The following RPL9 variants were observed in gnomAD, a reference collection of about 807,000 sequenced individuals.
RPL9 encodes large ribosomal subunit protein uL6.
For synonymous variants in RPL9, 82 were observed against 77.1 expected (o/e 1.06, Z -0.33); for missense variants, 149 against 236.7 (o/e 0.63, Z 2.43).
At chr4:39,458,832 T>A in intron 1 of RPL9, 59 bp downstream of exon 1, 1 of 691,502 alleles carries the variant, frequency 1.4e-6, no homozygotes, top group Non-Finnish European at 2.6e-6. Flanking sequence ...GCCGCAGCCT[T>A]TCCCAGAGCA....
intron 7 of RPL9, 136 bp downstream of exon 7, chr4:39,454,395 TTC>T (rs1036153256): frequency 1.5e-6 from 1 of 664,986 alleles, no homozygotes; most frequent in Non-Finnish European, 2.5e-6. Context: ...CCATCTTTTA[TTC>T]TGTCAAATTT....
rs374856895 is a variant in RPL9 at position 39,454,820 on chromosome 4, G to C, written c.472+44C>G. On this transcript the variant is annotated intron_variant, in intron 6 of 7. Coordinates refer to ENST00000295955, the MANE Select transcript of RPL9 (RefSeq NM_000661.5). ...AATACTGTATTTTAAACAAGATTTA[G>C]ACAAAATCTTGTAGGCATAGTTAGA... The C allele has an allele frequency of 2.5e-6, 4 of 1,586,320 alleles. No individual in the cohort carries two copies. In the African/African-American group the frequency reaches 5.4e-5, roughly 21 times the overall value.
chr4:39,458,885 C>A lies in RPL9; in HGVS notation c.-2+6G>T, dbSNP rs144566412. 5.0e-5 allele frequency: 35 copies of A among 702,004 alleles called. No homozygotes were observed. Among genetic ancestry groups the A allele is most frequent in the African/African-American group, 4.7e-4 (27 of 57,378 alleles). The allele number at this position is 702,004 out of a possible 1,614,324, so 43.5% of individuals were successfully genotyped here. A position where few individuals can be genotyped will look rare whatever the true frequency, so the allele number is the denominator to read the frequency against. On this transcript the variant is annotated splice_donor_region_variant and intron_variant, in intron 1 of 7. Coordinates refer to ENST00000295955, the MANE Select transcript of RPL9 (RefSeq NM_000661.5). ...AGTACCCCCACGAGCACAGAAACAT[C>A]CTTACCTCGCAGTAGACGCAGCAAA... is the stretch of plus-strand genomic sequence containing the variant.
At chr4:39,454,392 T>G (rs1235304650) in intron 7 of RPL9, 141 bp downstream of exon 7, 3 of 661,162 alleles carry the variant, frequency 4.5e-6, no homozygotes, top group Admixed American at 3.2e-5. Flanking sequence ...ATTCCATCTT[T>G]TATTCTGTCA....
chr4:39,455,055 C>CT, intron 5 of RPL9, 111 bp from the exon 6 acceptor site: 3 of 1,156,302 alleles, frequency 2.6e-6, no homozygotes, highest in Non-Finnish European at 3.7e-6. Context: ...AGAACCTTTT[C>CT]TTAAGATTTT....
chr4:39,454,521 G>A lies in RPL9; in HGVS notation c.*10+12C>T, dbSNP rs767107544. On this transcript the variant is annotated intron_variant, in intron 7 of 7. Transcript: ENST00000295955. Reference sequence around the variant, plus strand: ...GAGCAGTAATAAAACTTAAGACACTGTAAGAACTTACCTCTTAGATCTTAT... The same window carrying A: ...GAGCAGTAATAAAACTTAAGACACTATAAGAACTTACCTCTTAGATCTTAT... 6.3e-7 allele frequency: 1 copy of A among 1,582,568 alleles called. No individual in the cohort carries two copies. Among genetic ancestry groups the A allele is most frequent in the Non-Finnish European group, 8.6e-7 (1 of 1,157,546 alleles).
Position 39,458,440 on chromosome 4 carries a change from TCTGAAACACAAACA to T in RPL9, c.-1-14_-1-1del. ...TCTGATTGCTGAGAATAGTCTTCAT[TCTGAAACACAAACA>T]CTGGGGGTGAGGCCGACGCAAGGCC... On this transcript the variant is annotated splice_acceptor_variant and splice_polypyrimidine_tract_variant and intron_variant, in intron 1 of 7. Transcript: ENST00000295955. LOFTEE classifies it low-confidence loss of function (5UTR_SPLICE). 1 of 1,614,198 alleles carries T rather than the reference TCTGAAACACAAACA, an allele frequency of 6.2e-7. No homozygotes were observed. The highest frequency in any genetic ancestry group is 1.1e-5 in the South Asian group (1 of 91,086).
chr4:39,458,795 G>C (rs532250115), intron 1 of RPL9, 96 bp downstream of exon 1: 1 of 685,168 alleles, frequency 1.5e-6, no homozygotes, highest in African/African-American at 1.8e-5. Flanking sequence ...GGGACAAACA[G>C]GACAAGGTTC....
At position 39,458,775 on chromosome 4, in the gene RPL9, G is replaced by A; in HGVS notation, c.-2+116C>T. 5.9e-6 allele frequency: 4 copies of A among 679,854 alleles called. No homozygotes were observed. In the Admixed American group the frequency reaches 6.1e-5, roughly 10 times the overall value. The allele number at this position is 679,854 out of a possible 1,614,324, so 42.1% of individuals were successfully genotyped here. ...GCGCCGCCAGGCTCATATGGCGCTT[G>A]CCGAGCTGGGGGACAAACAGGACAA... On this transcript the variant is annotated intron_variant, in intron 1 of 7. Coordinates refer to ENST00000295955, the MANE Select transcript of RPL9 (RefSeq NM_000661.5).
At position 39,458,395 on chromosome 4, in the gene RPL9, A is replaced by G. The variant is rs747296835; in HGVS notation, c.45T>C (p.Asn15=). 5.0e-6 allele frequency: 8 copies of G among 1,614,050 alleles called. No individual in the cohort carries two copies. Among genetic ancestry groups the G allele is most frequent in the Non-Finnish European group, 6.8e-6 (8 of 1,180,030 alleles). The part of the protein sequence containing the change: ...LSNQTVDIPE[N]VDITLKGRTV... ...AGTAAAAGACATCAAGTCTCATACC[A>G]TTTTCTGGAATGTCGACAGTCTGAT... Residue 15 remains asparagine, a splice_region_variant and synonymous_variant, in exon 2 of 8, where the codon AAT becomes AAC. Coordinates refer to ENST00000295955, the MANE Select transcript of RPL9 (RefSeq NM_000661.5).
chr4:39,454,478 A>T, intron 7 of RPL9, 55 bp downstream of exon 7: 1 of 1,296,000 alleles, frequency 7.7e-7, no homozygotes, highest in Non-Finnish European at 1.1e-6. Flanking sequence ...TTAGTAAATT[A>T]AGAGCTTCAT....
intron 3 of RPL9, 170 bp from the exon 4 acceptor site, chr4:39,457,851 G>T: frequency 1.5e-6 from 1 of 652,214 alleles, no homozygotes; most frequent in Non-Finnish European, 2.7e-6. Context: ...AAGCTTTGTA[G>T]AAGTTGCAAC....
At position 39,458,586 on chromosome 4, in the gene RPL9, A is replaced by C. The variant is rs964528839; in HGVS notation, c.-1-146T>G. 8 of 722,188 alleles carry C rather than the reference A, an allele frequency of 1.1e-5. No homozygotes were observed. In the Admixed American group the frequency reaches 2.0e-4, roughly 18 times the overall value. 44.7% of individuals were successfully genotyped at this position (722,188 alleles called of 1,614,324 possible). ...GGACGGGAGACCGACAGCGGGCCCC[A>C]GTGTGTCCCAGCCTGGAAGGAGCAG... On this transcript the variant is annotated intron_variant, in intron 1 of 7. Transcript: ENST00000295955.
intron 4 of RPL9, 98 bp from the exon 5 acceptor site, chr4:39,456,636 C>T: frequency 7.8e-7 from 1 of 1,289,618 alleles, no homozygotes; most frequent in Non-Finnish European, 1.1e-6. Flanking sequence ...TAAAACGTAA[C>T]ACTCACTGCC....
At position 39,458,906 on chromosome 4, in the gene RPL9, G is replaced by GC. The variant is rs1560662696; in HGVS notation, c.-18dup. 1.4e-6 allele frequency: 1 copy of GC among 707,608 alleles called. No individual in the cohort carries two copies. The highest frequency in any genetic ancestry group is 2.0e-5 in the Admixed American group (1 of 50,032). The allele number at this position is 707,608 out of a possible 1,614,324, so 43.8% of individuals were successfully genotyped here. ...ACATCCTTACCTCGCAGTAGACGCA[G>GC]CAAAGAAAGAACGTCTGTCGTCATT... On this transcript the variant is annotated 5_prime_UTR_variant, in exon 1 of 8. Transcript: ENST00000295955.
At chr4:39,456,929 G>A (rs1008892143) in intron 4 of RPL9, 7 of 188,942 alleles carry the variant, frequency 3.7e-5, no homozygotes, top group Non-Finnish European at 6.6e-5. Flanking sequence ...AGGGTAGATG[G>A]GGGAATCTTA....
chr4:39,456,422 C>G lies in RPL9; in HGVS notation c.375G>C (p.Arg125Ser), dbSNP rs145459909. 44 of 1,614,034 alleles carry G rather than the reference C, an allele frequency of 2.7e-5. No individual in the cohort carries two copies. In the Admixed American group the frequency reaches 6.8e-4, roughly 25 times the overall value. ...RNFLGEKYIRRVRMRPGVACS... is the reference protein window; with the variant it reads ...RNFLGEKYIRSVRMRPGVACS... ...TGCACATACCTGGTCTCATCCGAAC[C>G]CTGCGGATATATTTTTCACCCAAGA... Residue 125 changes from arginine to serine, a missense_variant, in exon 5 of 8, where the codon AGG becomes AGC. Transcript: ENST00000295955.
intron 4 of RPL9, chr4:39,457,224 C>T (rs1245053330): frequency 5.8e-6 from 1 of 171,270 alleles, no homozygotes. Flanking sequence ...CATTAGCCTA[C>T]TTTTTAAAAG....
At chr4:39,455,155 C>T in intron 5 of RPL9, 1 of 464,416 alleles carries the variant, frequency 2.2e-6, no homozygotes, top group Non-Finnish European at 3.9e-6. Flanking sequence ...CGAAACCATC[C>T]TGGCTAACAC....
Sources: allele counts gnomAD v4.1 joint callset, GRCh38; gene constraint gnomAD v4.1.1; transcripts MANE v1.5; gene names NCBI Gene and HGNC (gene_info 2026-07-23, HGNC 2026-07-21).